CAMTA1: variants seen among roughly 807,000 people sequenced by gnomAD.
The protein encoded by CAMTA1 is calmodulin binding transcription activator 1, also known as calmodulin-binding transcription activator 1.
CAMTA1 carries 27 observed loss-of-function variants against 170.9 expected under a neutral mutation model. That is an observed-to-expected ratio of 0.16 (90% CI 0.12 to 0.22). CAMTA1 has a LOEUF of 0.22. CAMTA1 is among the 10% of genes least tolerant of loss of function. The pLI is 1.00. For synonymous variants in CAMTA1, 833 were observed against 891.5 expected, an observed-to-expected ratio of 0.93 and a Z score of 1.17; for missense variants, 1,619 against 2,217.2, an observed-to-expected ratio of 0.73 and a Z score of 5.42.
chr1:7,016,715 A>G (rs1384827551), intron 3 of CAMTA1, among the ~76,000 whole-genome samples: 1 of 152,104 alleles, frequency 6.6e-6, no homozygotes, highest in Non-Finnish European at 1.5e-5. Flanking sequence ...GACACCTGTA[A>G]TCCCAGCTAC....
At chr1:7,583,176 C>A (rs961672984) in intron 6 of CAMTA1, among the ~76,000 whole-genome samples, 29 of 152,072 alleles carry the variant, frequency 1.9e-4, no homozygotes, top group African/African-American at 6.3e-4. Flanking sequence ...CCTTCCCCAA[C>A]CTGCCCATCA....
In CAMTA1 at chr1:6,937,647, CCAT is replaced by C. The variant is rs761856423; in HGVS notation, c.234+112443_234+112445del. The stretch of plus-strand genomic sequence containing the variant: ...CATCACCATTCACCACTTACCACCA[CCAT>C]CATCACCATCACCATCATCATCACC... On this transcript the variant is annotated intron_variant, in intron 3 of 22. Coordinates refer to ENST00000303635, the MANE Select transcript of CAMTA1 (RefSeq NM_015215.4). 2.4e-4 allele frequency among the ~76,000 whole-genome samples: 32 copies of C among 134,120 alleles called. 1 individual carries two copies. The highest frequency in any genetic ancestry group is 2.8e-4 in the Non-Finnish European group (17 of 59,926). The allele number at this position is 134,120 out of a possible 152,430, so 88.0% of individuals were successfully genotyped here.
At position 7,426,938 on chromosome 1, in the gene CAMTA1, G is replaced by A. The variant is rs182034457; in HGVS notation, c.439-40892G>A. Among the ~76,000 whole-genome samples, 7 of 152,206 alleles carry A rather than the reference G, an allele frequency of 4.6e-5. No homozygotes were observed. The East Asian group carries it at 1.4e-3, about 29-fold the overall frequency. On this transcript the variant is annotated intron_variant, in intron 5 of 22. Coordinates refer to ENST00000303635, the MANE Select transcript of CAMTA1 (RefSeq NM_015215.4). This position sits in a 1 kb window ranked among gnomAD's most constrained non-coding sequence, Gnocchi z 4.8. ...AGTAATTTATCAGGCCACCAGCAAG[G>A]CCTTTTTGCTCAGCGGTGGCGTTCA... is the stretch of plus-strand genomic sequence containing the variant.
chr1:7,171,647 G>A (rs934277801), intron 4 of CAMTA1, among the ~76,000 whole-genome samples: 2 of 152,150 alleles, frequency 1.3e-5, no homozygotes, highest in African/African-American at 4.8e-5. Flanking sequence ...CCATTTTAAA[G>A]TATACAATTC....
chr1:6,858,047 A>C (rs1304037190), intron 3 of CAMTA1, among the ~76,000 whole-genome samples: 1 of 152,226 alleles, frequency 6.6e-6, no homozygotes, highest in Non-Finnish European at 1.5e-5. Flanking sequence ...GTGCGAATGA[A>C]TTAATGATTC....
chr1:7,702,432 CCTGAA>C (rs1409968248), intron 11 of CAMTA1, among the ~76,000 whole-genome samples: 1 of 152,192 alleles, frequency 6.6e-6, no homozygotes, highest in Non-Finnish European at 1.5e-5. Flanking sequence ...GCTTCAGGTG[CCTGAA>C]CTGGATCCAA....
At chr1:7,528,709 C>T (rs183889914) in intron 6 of CAMTA1, among the ~76,000 whole-genome samples, 99 of 152,052 alleles carry the variant, frequency 6.5e-4, no homozygotes, top group African/African-American at 1.9e-3. Context: ...GTGAGAAAGG[C>T]AGAATTGGAA....
chr1:6,902,028 A>G (rs1048792789), intron 3 of CAMTA1, among the ~76,000 whole-genome samples: 6 of 137,058 alleles, frequency 4.4e-5, no homozygotes, highest in African/African-American at 1.2e-4. Context: ...CCGAATGACA[A>G]GGTGAGACTG....
chr1:7,712,109 T>A (rs890917975), intron 11 of CAMTA1, among the ~76,000 whole-genome samples: 1 of 152,222 alleles, frequency 6.6e-6, no homozygotes, highest in Non-Finnish European at 1.5e-5. Flanking sequence ...AACCTCGCAT[T>A]TATATATTAA....
At position 7,435,434 on chromosome 1, in the gene CAMTA1, G is replaced by C. The variant is rs543292065; in HGVS notation, c.439-32396G>C. Among the ~76,000 whole-genome samples, 1 of 152,162 alleles carries C rather than the reference G, an allele frequency of 6.6e-6. No individual in the cohort carries two copies. The highest frequency in any genetic ancestry group is 2.4e-5 in the African/African-American group (1 of 41,446). On this transcript the variant is annotated intron_variant, in intron 5 of 22. Transcript: ENST00000303635. This position sits in a 1 kb window ranked among gnomAD's most constrained non-coding sequence, Gnocchi z 4.4. Reference sequence around the variant, plus strand: ...CCTGTGGGATCCCTGCCCTAGGCTGGGTTCTTGCTCTGCTGCTATTCCTGT... The same window carrying C: ...CCTGTGGGATCCCTGCCCTAGGCTGCGTTCTTGCTCTGCTGCTATTCCTGT...
At chr1:7,156,207 G>A (rs1261526710) in intron 4 of CAMTA1, among the ~76,000 whole-genome samples, 2 of 150,970 alleles carry the variant, frequency 1.3e-5, no homozygotes, top group African/African-American at 2.4e-5. Flanking sequence ...CTGGGAGACG[G>A]AGATTGCAGT....
At chr1:7,654,181 G>C (rs1342685839) in intron 7 of CAMTA1, among the ~76,000 whole-genome samples, 1 of 152,012 alleles carries the variant, frequency 6.6e-6, no homozygotes, top group Non-Finnish European at 1.5e-5. Context: ...AGGAGTTCAA[G>C]ACCAGCCTGA....
At chr1:7,457,347 G>A (rs1379998626) in intron 5 of CAMTA1, among the ~76,000 whole-genome samples, 3 of 151,734 alleles carry the variant, frequency 2.0e-5, no homozygotes, top group East Asian at 1.9e-4. Flanking sequence ...TCATGTCGTC[G>A]TTAGGCCGGC....
In CAMTA1 at chr1:7,585,268, G is replaced by A. The variant is rs2095299452; in HGVS notation, c.511-55132G>A. ...AGTAACGACAGCCAGGCAGAGTAAA[G>A]GAAGGGGTACGGGAGGGTTGCGGAT... On this transcript the variant is annotated intron_variant, in intron 6 of 22. Transcript: ENST00000303635. The surrounding 1 kb of genome is among the most constrained non-coding windows in gnomAD (Gnocchi z 4.8). Among the ~76,000 whole-genome samples the A allele has an allele frequency of 6.6e-6, 1 of 151,862 alleles. No homozygotes were observed. Among genetic ancestry groups the A allele is most frequent in the Non-Finnish European group, 1.5e-5 (1 of 68,038 alleles).
chr1:7,133,356 A>G (rs1443431083), intron 4 of CAMTA1, among the ~76,000 whole-genome samples: 1 of 152,210 alleles, frequency 6.6e-6, no homozygotes, highest in Non-Finnish European at 1.5e-5. Context: ...TATCAAATTC[A>G]TTGCCGTAAA....
chr1:7,458,272 AG>A (rs1256270004), intron 5 of CAMTA1, among the ~76,000 whole-genome samples: 1 of 152,148 alleles, frequency 6.6e-6, no homozygotes, highest in African/African-American at 2.4e-5. Context: ...TTTGCCGGCC[AG>A]GGGACTGGAG....
intron 6 of CAMTA1, among the ~76,000 whole-genome samples, chr1:7,486,816 G>C (rs1402418592): frequency 6.6e-6 from 1 of 152,170 alleles, no homozygotes. Flanking sequence ...CCCAAGGCAG[G>C]ATCTGAGGGA....
At chr1:7,084,106 C>T (rs191480501) in intron 3 of CAMTA1, among the ~76,000 whole-genome samples, 4 of 151,938 alleles carry the variant, frequency 2.6e-5, no homozygotes, top group Non-Finnish European at 5.9e-5. Flanking sequence ...ATATCTGAGA[C>T]TGTATAGACT....
At chr1:7,628,021 C>G (rs926717012) in intron 6 of CAMTA1, among the ~76,000 whole-genome samples, 1 of 152,108 alleles carries the variant, frequency 6.6e-6, no homozygotes. Flanking sequence ...GGCGATGCAA[C>G]AAAAAACTCG....
Sources: allele counts gnomAD v4.1 joint callset (sites outside exome capture counted in the v4.1 genomes callset), GRCh38; gene constraint gnomAD v4.1.1; non-coding constraint Gnocchi (gnomAD v3.1); transcripts MANE v1.5; gene names NCBI Gene and HGNC (gene_info 2026-07-23, HGNC 2026-07-21).